UTRN: variants seen among roughly 807,000 people sequenced by gnomAD.
UTRN encodes dystrophin-related protein 1.
A neutral mutation model predicts 463.9 loss-of-function variants in UTRN; 283 were observed. That is an observed-to-expected ratio of 0.61 (90% confidence interval 0.55 to 0.67). The LOEUF (loss-of-function observed/expected upper bound fraction) is 0.67, where lower values mean the gene tolerates loss of function less well. Ranked by LOEUF, UTRN falls within the 30% of genes least tolerant of loss-of-function variation. UTRN has a pLI of 0.00. For missense variants in UTRN, 3,922 were observed against 4,084.3 expected, an observed-to-expected ratio of 0.96 and a Z score of 1.08; for synonymous variants, 1,442 against 1,431.5, an observed-to-expected ratio of 1.01 and a Z score of -0.17.
chr6:144,337,190 CA>C (rs1562263725), intron 2 of UTRN, among the ~76,000 whole-genome samples: 7 of 120,278 alleles, frequency 5.8e-5, no homozygotes, highest in African/African-American at 3.2e-4. Flanking sequence ...CACACACACA[CA>C]CACCACACAC....
intron 39 of UTRN, among the ~76,000 whole-genome samples, chr6:144,518,905 G>C (rs1263494270): frequency 2.0e-5 from 3 of 151,990 alleles, no homozygotes; most frequent in Admixed American, 1.3e-4. Context: ...ATTACTGTGG[G>C]GGAGCTTTAA....
chr6:144,305,106 T>C (rs1318538442), intron 2 of UTRN, among the ~76,000 whole-genome samples: 5 of 152,152 alleles, frequency 3.3e-5, no homozygotes, highest in African/African-American at 1.2e-4. Flanking sequence ...TAATTTTTTT[T>C]GTATGTTTTG....
chr6:144,772,015 GGTTTTT>G (rs1439722444), intron 59 of UTRN, 47 bp downstream of exon 59: 2 of 239,820 alleles, frequency 8.3e-6, no homozygotes, highest in South Asian at 6.6e-5. Flanking sequence ...ACTGAGAACC[GGTTTTT>G]TTTTTTTTTT....
At chr6:144,400,195 G>A (rs898177183) in intron 2 of UTRN, among the ~76,000 whole-genome samples, 7 of 151,986 alleles carry the variant, frequency 4.6e-5, no homozygotes, top group African/African-American at 1.7e-4. Flanking sequence ...ATTTAGAGAA[G>A]GTGTATATGC....
At chr6:144,339,532 A>G (rs560562201) in intron 2 of UTRN, among the ~76,000 whole-genome samples, 1 of 152,062 alleles carries the variant, frequency 6.6e-6, no homozygotes, top group African/African-American at 2.4e-5. Flanking sequence ...GATGAAGGGA[A>G]CATGAGAACT....
intron 73 of UTRN, 102 bp from the exon 74 acceptor site, chr6:144,846,703 C>T (rs1782045068): frequency 6.7e-7 from 1 of 1,495,988 alleles, no homozygotes; most frequent in Admixed American, 1.7e-5. Flanking sequence ...CTATTATTAC[C>T]CTATGTAGAG....
At chr6:144,835,474 G>T (rs1364931222) in intron 69 of UTRN, among the ~76,000 whole-genome samples, 1 of 152,144 alleles carries the variant, frequency 6.6e-6, no homozygotes, top group East Asian at 1.9e-4. Flanking sequence ...TTTGTCTACA[G>T]TAGCTTTTAT....
At chr6:144,534,736 A>G (rs183531369) in intron 43 of UTRN, among the ~76,000 whole-genome samples, 1 of 152,346 alleles carries the variant, frequency 6.6e-6, no homozygotes, top group African/African-American at 2.4e-5. Flanking sequence ...GAAGAAGAAA[A>G]TGATGAAAGA....
chr6:144,440,644 C>G (rs1221479931), intron 13 of UTRN, among the ~76,000 whole-genome samples, 173 bp downstream of exon 13: 1 of 152,152 alleles, frequency 6.6e-6, no homozygotes, highest in African/African-American at 2.4e-5. Context: ...ACAGGAGTAC[C>G]CAGGTATTGA....
At chr6:144,426,835 TA>T (rs1427647202) in intron 7 of UTRN, among the ~76,000 whole-genome samples, 1 of 152,184 alleles carries the variant, frequency 6.6e-6, no homozygotes. Context: ...CATTCCCAAT[TA>T]AAAATAGCCA....
intron 53 of UTRN, among the ~76,000 whole-genome samples, chr6:144,726,929 C>T (rs548308995): frequency 1.3e-5 from 2 of 152,290 alleles, no homozygotes; most frequent in African/African-American, 2.4e-5. Flanking sequence ...CCAATATGTA[C>T]ATATTTCCAT....
intron 19 of UTRN, among the ~76,000 whole-genome samples, chr6:144,454,142 A>C (rs1475351693): frequency 6.6e-6 from 1 of 152,204 alleles, no homozygotes; most frequent in African/African-American, 2.4e-5. Context: ...ACCCACTAGC[A>C]TAGTATATTT....
chr6:144,435,388 T>G (rs1786440861), intron 9 of UTRN, among the ~76,000 whole-genome samples: 1 of 152,222 alleles, frequency 6.6e-6, no homozygotes, highest in South Asian at 2.1e-4. Flanking sequence ...AGAGGGCAAC[T>G]GCCTAAGAAA....
chr6:144,577,301 G>GA lies in UTRN; in HGVS notation c.7479+16dup. The GA allele has an allele frequency of 6.2e-7, 1 of 1,612,692 alleles. No homozygotes were observed. The highest frequency in any genetic ancestry group is 8.5e-7 in the Non-Finnish European group (1 of 1,179,276). ...ACAGCAGATGCAGGTAAGTGCATGG[G>GA]AAACCACACCAGTACCTGTGTTTGC... On this transcript the variant is annotated intron_variant, in intron 51 of 74. Coordinates refer to ENST00000367545, the MANE Select transcript of UTRN (RefSeq NM_007124.3).
At chr6:144,326,865 A>G (rs1467321737) in intron 2 of UTRN, among the ~76,000 whole-genome samples, 1 of 152,104 alleles carries the variant, frequency 6.6e-6, no homozygotes, top group Non-Finnish European at 1.5e-5. Flanking sequence ...GAGGGAGAAA[A>G]TGATTTTCTC....
intron 3 of UTRN, among the ~76,000 whole-genome samples, chr6:144,404,382 A>T (rs1783200597): frequency 1.3e-5 from 2 of 152,208 alleles, no homozygotes; most frequent in African/African-American, 4.8e-5. Flanking sequence ...ACATATGTGC[A>T]TCTCGGGCTT....
intron 11 of UTRN, among the ~76,000 whole-genome samples, chr6:144,438,423 A>G (rs1340280900): frequency 6.6e-6 from 1 of 152,062 alleles, no homozygotes; most frequent in Non-Finnish European, 1.5e-5. Flanking sequence ...ATTTTATTTC[A>G]TGTATTGTGT....
chr6:144,765,864 C>G (rs1793255488), intron 58 of UTRN, among the ~76,000 whole-genome samples: 1 of 151,834 alleles, frequency 6.6e-6, no homozygotes, highest in Non-Finnish European at 1.5e-5. Context: ...GATCATATAT[C>G]TTATTTGAAT....
At chr6:144,622,181 G>GTTTTTTT (rs1290959363) in intron 51 of UTRN, among the ~76,000 whole-genome samples, 7 of 73,722 alleles carry the variant, frequency 9.5e-5, no homozygotes, top group African/African-American at 2.9e-4. Flanking sequence ...ATTTTTTTTT[G>GTTTTTTT]TTGTTTTTTT....
Sources: gnomAD v4.1 joint callset for allele counts (sites outside exome capture counted in the v4.1 genomes callset) on GRCh38, gnomAD v4.1.1 for gene constraint, MANE v1.5 for transcripts, NCBI Gene and HGNC (gene_info 2026-07-23, HGNC 2026-07-21) for gene names.